SNX13: variants seen among roughly 807,000 people sequenced by gnomAD.
SNX13 encodes sorting nexin-13.
In SNX13, 45 loss-of-function variants were observed where a neutral mutation model predicts 133.6. That is an observed-to-expected ratio of 0.34 (90% CI 0.27 to 0.43). SNX13 has a LOEUF of 0.43. Among genes scored for constraint, SNX13 ranks in the 20% least tolerant of loss-of-function variants. The pLI is 1.00. For synonymous variants in SNX13, 414 were observed against 373.9 expected (o/e 1.11, Z -1.24); for missense variants, 1,032 against 1,145.1 (o/e 0.90, Z 1.43).
intron 15 of SNX13, chr7:17,830,257 T>C (rs995806095): frequency 3.1e-6 from 3 of 982,162 alleles, no homozygotes; most frequent in Admixed American, 6.3e-5. Flanking sequence ...AGTGACAATA[T>C]AGTATGTACC....
At chr7:17,841,858 C>A (rs1333486219) in intron 12 of SNX13, among the ~76,000 whole-genome samples, 1 of 151,668 alleles carries the variant, frequency 6.6e-6, no homozygotes, top group Non-Finnish European at 1.5e-5. Context: ...AAGTATATAA[C>A]CAAAATAAAA....
At chr7:17,869,530 A>T (rs753592694) in intron 8 of SNX13, among the ~76,000 whole-genome samples, 1 of 152,088 alleles carries the variant, frequency 6.6e-6, no homozygotes, top group Non-Finnish European at 1.5e-5. Flanking sequence ...GCTTAACAGG[A>T]TGTATAATTT....
intron 12 of SNX13, among the ~76,000 whole-genome samples, chr7:17,842,876 T>C (rs1790065719): frequency 6.6e-6 from 1 of 152,030 alleles, no homozygotes; most frequent in African/African-American, 2.4e-5. Flanking sequence ...AATTACAGTG[T>C]TATAAATTTA....
rs1032009290 is a variant in SNX13 at position 17,832,174 on chromosome 7, CA to C, written c.1597+1877del. 5 of 982,290 alleles carry C rather than the reference CA, an allele frequency of 5.1e-6. No individual in the cohort carries two copies. In the African/African-American group the frequency reaches 5.3e-5, roughly 10 times the overall value. The allele number at this position is 982,290 out of a possible 1,614,324, so 60.8% of individuals were successfully genotyped here. On this transcript the variant is annotated intron_variant, in intron 15 of 25. Transcript: ENST00000428135. The stretch of plus-strand genomic sequence containing the variant: ...ATTTACTTCAGATCAAAACCAGTTC[CA>C]AAAAAAAATTTTTTAATGTACTTCG...
At chr7:17,800,594 C>A (rs1029812506) in intron 22 of SNX13, among the ~76,000 whole-genome samples, 1 of 151,714 alleles carries the variant, frequency 6.6e-6, no homozygotes, top group Non-Finnish European at 1.5e-5. Flanking sequence ...GCAATAGGCA[C>A]AGATAACATA....
chr7:17,913,577 T>C (rs1799225143), intron 1 of SNX13, among the ~76,000 whole-genome samples: 2 of 151,936 alleles, frequency 1.3e-5, no homozygotes, highest in Non-Finnish European at 2.9e-5. Context: ...ATAAACAATA[T>C]CTGACAAAAC....
chr7:17,834,391 A>G (rs181648818), intron 14 of SNX13, among the ~76,000 whole-genome samples: 16 of 151,982 alleles, frequency 1.1e-4, no homozygotes, highest in Non-Finnish European at 2.2e-4. Context: ...ACTGCAACAC[A>G]AGTCACAGAC....
intron 1 of SNX13, among the ~76,000 whole-genome samples, chr7:17,905,394 T>G (rs1486336767): frequency 1.3e-5 from 2 of 152,214 alleles, no homozygotes; most frequent in Non-Finnish European, 2.9e-5. Flanking sequence ...AAAATATACA[T>G]GTAATGATAA....
intron 20 of SNX13, among the ~76,000 whole-genome samples, chr7:17,809,272 A>G (rs1785695796): frequency 1.5e-5 from 2 of 129,796 alleles, no homozygotes; most frequent in South Asian, 6.5e-4. Flanking sequence ...TTTACCAAGT[A>G]GATGGAAAGC....
chr7:17,894,624 A>C (rs1797005288), intron 2 of SNX13, among the ~76,000 whole-genome samples: 1 of 152,160 alleles, frequency 6.6e-6, no homozygotes, highest in African/African-American at 2.4e-5. Context: ...GAACTACTTC[A>C]CTCTAAGTAT....
At chr7:17,940,234 CG>C (rs1230380917) in intron 1 of SNX13, 49 bp downstream of exon 1, 2 of 1,552,030 alleles carry the variant, frequency 1.3e-6, no homozygotes, top group East Asian at 4.9e-5. Flanking sequence ...GGGCTGGCGC[CG>C]GCCCCTTCCC....
At chr7:17,814,591 C>G (rs921510751) in intron 20 of SNX13, among the ~76,000 whole-genome samples, 1 of 152,074 alleles carries the variant, frequency 6.6e-6, no homozygotes, top group Non-Finnish European at 1.5e-5. Flanking sequence ...GCAAACTTTT[C>G]TTAATGTACC....
At chr7:17,910,810 T>A (rs570725821) in intron 1 of SNX13, among the ~76,000 whole-genome samples, 1 of 152,340 alleles carries the variant, frequency 6.6e-6, no homozygotes, top group South Asian at 2.1e-4. Flanking sequence ...CCACAGTTTG[T>A]GTGATTTCAT....
At chr7:17,845,732 A>G in intron 11 of SNX13, 38 bp from the exon 12 acceptor site, 1 of 1,344,394 alleles carries the variant, frequency 7.4e-7, no homozygotes, top group South Asian at 1.3e-5. Context: ...TATTTTATCT[A>G]ATCATTCATT....
chr7:17,893,507 T>TAG (rs1796863286), intron 2 of SNX13, 73 bp from the exon 3 acceptor site: 63 of 969,120 alleles, frequency 6.5e-5, no homozygotes, highest in Non-Finnish European at 9.3e-5. Context: ...CTACCAAGTA[T>TAG]ATTTTCCAGA....
intron 5 of SNX13, chr7:17,882,370 A>G (rs1178219719): frequency 6.6e-6 from 1 of 152,222 alleles, no homozygotes; most frequent in Non-Finnish European, 1.5e-5. Flanking sequence ...AGCATTCTAT[A>G]AAGAACAGCA....
chr7:17,904,361 G>A (rs1178601593), intron 1 of SNX13, among the ~76,000 whole-genome samples: 3 of 152,174 alleles, frequency 2.0e-5, no homozygotes, highest in Admixed American at 2.0e-4. Context: ...GACTGGTTCA[G>A]TAACTCTTCA....
intron 13 of SNX13, among the ~76,000 whole-genome samples, chr7:17,836,915 G>C (rs780460714): frequency 6.6e-6 from 1 of 151,676 alleles, no homozygotes; most frequent in Non-Finnish European, 1.5e-5. Context: ...CTTTTCTATC[G>C]AGTCCATGAT....
intron 1 of SNX13, among the ~76,000 whole-genome samples, chr7:17,912,687 C>T (rs914335873): frequency 5.3e-5 from 8 of 152,152 alleles, no homozygotes; most frequent in African/African-American, 1.9e-4. Context: ...GCTGGGATTA[C>T]AGGCTTGAGC....
Sources: allele counts gnomAD v4.1 joint callset (sites outside exome capture counted in the v4.1 genomes callset), GRCh38; gene constraint gnomAD v4.1.1; transcripts MANE v1.5; gene names NCBI Gene and HGNC (gene_info 2026-07-23, HGNC 2026-07-21).